The following EDARADD variants were observed in gnomAD, a reference collection of about 807,000 sequenced individuals.
The protein encoded by EDARADD is EDAR associated via death domain.
Under a neutral mutation model 25.6 loss-of-function variants are expected in EDARADD, and 20 were observed. The ratio of observed to expected loss-of-function variants is 0.78; its 90% CI spans 0.55 to 1.14. The LOEUF is 1.14. Ranked by LOEUF, EDARADD falls within the 50% of genes most tolerant of loss-of-function variation. EDARADD has a pLI of 0.00. For missense variants in EDARADD, 225 were observed against 270.1 expected (o/e 0.83, Z 1.17); for synonymous variants, 86 against 94.4 (o/e 0.91, Z 0.52).
At chr1:236,361,092 A>T (rs1667042518) in intron 3 of EDARADD, among the ~76,000 whole-genome samples, 1 of 152,202 alleles carries the variant, frequency 6.6e-6, no homozygotes, top group Non-Finnish European at 1.5e-5. Flanking sequence ...ACACACAACA[A>T]AGTGCACATA....
rs189264664 is a variant in EDARADD at position 236,364,769 on chromosome 1, T to A, written c.-6+13930T>A. Among the ~76,000 whole-genome samples the A allele has an allele frequency of 4.6e-5, 7 of 152,330 alleles. No individual in the cohort carries two copies. In the East Asian group the frequency reaches 1.3e-3, roughly 29 times the overall value. On this transcript the variant is annotated intron_variant, in intron 3 of 7. Transcript: ENST00000439430. ...TCTGCAAACTTGCTAAACTCACTTATTAGTTCTAATAGCTCTTTTGTAGAA... is the reference window on the plus strand; with the variant it reads ...TCTGCAAACTTGCTAAACTCACTTAATAGTTCTAATAGCTCTTTTGTAGAA...
At chr1:236,468,594 T>C (rs909679291) in intron 5 of EDARADD, among the ~76,000 whole-genome samples, 2 of 152,158 alleles carry the variant, frequency 1.3e-5, no homozygotes, top group African/African-American at 4.8e-5. Flanking sequence ...CACTCCAGCC[T>C]GGACAACAGA....
intron 1 of EDARADD, among the ~76,000 whole-genome samples, chr1:236,401,712 A>T (rs1337760804): frequency 6.6e-6 from 1 of 152,206 alleles, no homozygotes; most frequent in Non-Finnish European, 1.5e-5. Flanking sequence ...AAGGATGGGC[A>T]GGGGGCAGAG....
chr1:236,375,905 A>G (rs11803878), intron 3 of EDARADD, among the ~76,000 whole-genome samples: 42,683 of 148,824 alleles, frequency 0.29, 6,580 homozygotes, highest in East Asian at 0.44. Context: ...AAGAAAGAAA[A>G]AAAAAAGAAT....
intron 1 of EDARADD, among the ~76,000 whole-genome samples, chr1:236,394,839 A>G (rs1667485239): frequency 6.6e-6 from 1 of 152,216 alleles, no homozygotes; most frequent in Non-Finnish European, 1.5e-5. Context: ...AACCCCACTT[A>G]AGCGTAATAT....
At chr1:236,460,584 A>C (rs1014145089) in intron 4 of EDARADD, among the ~76,000 whole-genome samples, 2 of 152,204 alleles carry the variant, frequency 1.3e-5, no homozygotes, top group Non-Finnish European at 2.9e-5. Flanking sequence ...AAAAGTAAAA[A>C]TAAGTGTGAA....
At chr1:236,464,423 CTTTTTTTTTTTTTTT>C (rs35064410) in intron 4 of EDARADD, among the ~76,000 whole-genome samples, 1 of 72,980 alleles carries the variant, frequency 1.4e-5, no homozygotes, top group East Asian at 5.2e-4. Flanking sequence ...CTTGCTGCAA[CTTTTTTTTTTTTTTT>C]TTTTTTTTTT....
chr1:236,423,472 A>C (rs1354399838), intron 3 of EDARADD, among the ~76,000 whole-genome samples: 1 of 152,126 alleles, frequency 6.6e-6, no homozygotes, highest in Non-Finnish European at 1.5e-5. Context: ...GAAAATGTCA[A>C]GTGAGAATGT....
In EDARADD at chr1:236,437,725, C is replaced by T. The variant is rs375180930; in HGVS notation, c.219+10275C>T. Among the ~76,000 whole-genome samples the T allele has an allele frequency of 1.1e-3, 158 of 148,210 alleles. 3 individuals carry two copies. In the South Asian group the frequency reaches 0.03, roughly 28 times the overall value. On this transcript the variant is annotated intron_variant, in intron 4 of 5. Transcript: ENST00000334232. Reference sequence around the variant, plus strand: ...TACAACAAATCTGAACTCAAGGTGTCGGCAGGGTTGGTTCCTTCTTTTTTT... The same window carrying T: ...TACAACAAATCTGAACTCAAGGTGTTGGCAGGGTTGGTTCCTTCTTTTTTT...
intron 4 of EDARADD, among the ~76,000 whole-genome samples, chr1:236,454,077 G>A (rs753161881): frequency 7.2e-5 from 11 of 151,780 alleles, no homozygotes; most frequent in African/African-American, 1.9e-4. Context: ...ACAGAGTCTC[G>A]CTCTGTTGCC....
At position 236,483,877 on chromosome 1, in the gene EDARADD, A is replaced by C; in HGVS notation, c.*1228A>C. ...GCGATTGGGAAAGCTGGCTACACTG[A>C]TAAGGTGATCGTCAGCATGGACGTA... On this transcript the variant is annotated 3_prime_UTR_variant, in exon 6 of 6. Coordinates refer to ENST00000334232, the MANE Select transcript of EDARADD (RefSeq NM_145861.4). 1 of 1,385,460 alleles carries C rather than the reference A, an allele frequency of 7.2e-7. No homozygotes were observed. The highest frequency in any genetic ancestry group is 1.0e-6 in the Non-Finnish European group (1 of 974,050). 85.8% of individuals were successfully genotyped at this position (1,385,460 alleles called of 1,614,324 possible). A position where few individuals can be genotyped will look rare whatever the true frequency, so the allele number is the denominator to read the frequency against.
rs1659789674 is a variant in EDARADD at position 236,484,875 on chromosome 1, CA to C, written c.*2230del. ...GCAAGATCCCCAGTGATTTTGTGCTCAAAATAAAAAGCCTCATTGACCCATG... is the reference window on the plus strand; with the variant it reads ...GCAAGATCCCCAGTGATTTTGTGCTCAAATAAAAAGCCTCATTGACCCATG... On this transcript the variant is annotated 3_prime_UTR_variant, in exon 6 of 6. Coordinates refer to ENST00000334232, the MANE Select transcript of EDARADD (RefSeq NM_145861.4). The surrounding 1 kb of genome is among the most constrained non-coding windows in gnomAD (Gnocchi z 4.1). 1.2e-5 allele frequency: 2 copies of C among 161,070 alleles called. No individual in the cohort carries two copies. Among genetic ancestry groups the C allele is most frequent in the South Asian group, 3.5e-4 (2 of 5,640 alleles). The allele number at this position is 161,070 out of a possible 1,614,324, so 10.0% of individuals were successfully genotyped here.
At chr1:236,479,189 T>C (rs189795553) in intron 5 of EDARADD, among the ~76,000 whole-genome samples, 1 of 151,930 alleles carries the variant, frequency 6.6e-6, no homozygotes, top group Admixed American at 6.6e-5. Context: ...AAAGAAAAAG[T>C]ACCCTGGAAA....
intron 3 of EDARADD, among the ~76,000 whole-genome samples, chr1:236,369,845 A>T (rs652989): frequency 0.29 from 44,594 of 151,588 alleles, 6,879 homozygotes; most frequent in African/African-American, 0.39. Flanking sequence ...CTCAATAAAA[A>T]CCAAAAAAGC....
rs1366308723 is a variant in EDARADD at position 236,398,729 on chromosome 1, T to G, written c.61+4224T>G. On this transcript the variant is annotated intron_variant, in intron 1 of 5. Transcript: ENST00000334232. This position sits in a 1 kb window ranked among gnomAD's most constrained non-coding sequence, Gnocchi z 4.1. ...CCCACCCGTTTCCTTCTACTTAACCTCCAGATTTCAGCTCATAGGTCACCG... is the reference window on the plus strand; with the variant it reads ...CCCACCCGTTTCCTTCTACTTAACCGCCAGATTTCAGCTCATAGGTCACCG... Among the ~76,000 whole-genome samples, 1 of 152,162 alleles carries G rather than the reference T, an allele frequency of 6.6e-6. No individual in the cohort carries two copies. The highest frequency in any genetic ancestry group is 2.4e-5 in the African/African-American group (1 of 41,434).
At chr1:236,371,648 C>A (rs1170246662) in intron 3 of EDARADD, among the ~76,000 whole-genome samples, 1 of 151,526 alleles carries the variant, frequency 6.6e-6, no homozygotes, top group South Asian at 2.1e-4. Flanking sequence ...CGGCTCACTG[C>A]AACCTCTGCC....
At chr1:236,412,128 T>C (rs1327018525) in intron 2 of EDARADD, among the ~76,000 whole-genome samples, 1 of 152,148 alleles carries the variant, frequency 6.6e-6, no homozygotes, top group Non-Finnish European at 1.5e-5. Flanking sequence ...CAGCCCTGTG[T>C]AGCTGTGTGG....
chr1:236,450,296 A>AAAT (rs71807819), intron 4 of EDARADD, among the ~76,000 whole-genome samples: 17,448 of 151,464 alleles, frequency 0.12, 2,100 homozygotes, highest in African/African-American at 0.3. Context: ...TCTGTCTCTA[A>AAAT]AATAATAATA....
Position 236,484,614 on chromosome 1 carries a change from A to T in EDARADD, c.*1965A>T. On this transcript the variant is annotated 3_prime_UTR_variant, in exon 6 of 6. Coordinates refer to ENST00000334232, the MANE Select transcript of EDARADD (RefSeq NM_145861.4). The surrounding 1 kb of genome is among the most constrained non-coding windows in gnomAD (Gnocchi z 4.1). ...CCTTGCCCACCGCCGTGGAGTTCGC[A>T]CCTCTTCCTTAGAACTTCTACAGAA... 3.4e-6 allele frequency: 2 copies of T among 593,510 alleles called. No individual in the cohort carries two copies. Among genetic ancestry groups the T allele is most frequent in the South Asian group, 3.7e-5 (2 of 53,768 alleles). 36.8% of individuals were successfully genotyped at this position (593,510 alleles called of 1,614,324 possible).
Sources: gnomAD v4.1 joint callset for allele counts (sites outside exome capture counted in the v4.1 genomes callset) on GRCh38, gnomAD v4.1.1 for gene constraint, Gnocchi (gnomAD v3.1) non-coding constraint, MANE v1.5 for transcripts, NCBI Gene and HGNC (gene_info 2026-07-23, HGNC 2026-07-21) for gene names.